The following LUZP2 variants were observed in gnomAD, a reference collection of about 807,000 sequenced individuals.
LUZP2 encodes the protein leucine zipper protein 2.
Under a neutral mutation model 51.6 loss-of-function variants are expected in LUZP2, and 52 were observed. The ratio of observed to expected loss-of-function variants is 1.01; its 90% confidence interval spans 0.81 to 1.27. The LOEUF (loss-of-function observed/expected upper bound fraction) is 1.27, where lower values mean the gene tolerates loss of function less well. Among genes scored for constraint, LUZP2 ranks in the 50% most tolerant of loss-of-function variants. The pLI, the probability that LUZP2 is intolerant of heterozygous loss-of-function variation, is 0.00. For missense variants in LUZP2, 436 were observed against 395.4 expected (o/e 1.10, Z -0.87); for synonymous variants, 154 against 137.3 (o/e 1.12, Z -0.85).
chr11:24,530,762 C>CTTTTTTTTTTTTTTTTTTTT (rs367857815), intron 1 of LUZP2, among the ~76,000 whole-genome samples: 2 of 75,372 alleles, frequency 2.7e-5, no homozygotes, highest in East Asian at 5.5e-4. Flanking sequence ...CTTCTTCTTA[C>CTTTTTTTTTTTTTTTTTTTT]TTTTTTTTTT....
At position 24,729,214 on chromosome 11, in the gene LUZP2, G is replaced by A; in HGVS notation, c.108G>A (p.Lys36=). ...ELEKQLKEVF[K]ERSTILRQLT... ...AAAAGCAGCTGAAAGAAGTCTTTAAGGAGCGAAGCACCATTCTTCGTCAGC... is the reference window on the plus strand; with the variant it reads ...AAAAGCAGCTGAAAGAAGTCTTTAAAGAGCGAAGCACCATTCTTCGTCAGC... Residue 36 remains lysine, a synonymous_variant, in exon 2 of 12, where the codon AAG becomes AAA. Transcript: ENST00000336930. The A allele has an allele frequency of 6.3e-7, 1 of 1,578,412 alleles. No individual in the cohort carries two copies. The highest frequency in any genetic ancestry group is 8.6e-7 in the Non-Finnish European group (1 of 1,156,166).
At chr11:24,751,876 A>C (rs1859601968) in intron 4 of LUZP2, among the ~76,000 whole-genome samples, 1 of 152,250 alleles carries the variant, frequency 6.6e-6, no homozygotes, top group South Asian at 2.1e-4. Context: ...CCAAGGAGTT[A>C]ACCTATACAG....
chr11:24,622,031 C>G (rs999127923), intron 1 of LUZP2, among the ~76,000 whole-genome samples: 3 of 151,970 alleles, frequency 2.0e-5, no homozygotes, highest in African/African-American at 7.2e-5. Flanking sequence ...GCCTCTGCTT[C>G]CTGGGCTCAA....
intron 9 of LUZP2, among the ~76,000 whole-genome samples, chr11:25,007,332 G>C (rs1435585035): frequency 6.6e-6 from 1 of 152,182 alleles, no homozygotes; most frequent in Non-Finnish European, 1.5e-5. Context: ...GCCAGATTTG[G>C]TGGCTCACAC....
intron 1 of LUZP2, among the ~76,000 whole-genome samples, chr11:24,521,531 T>C (rs1371576829): frequency 6.6e-6 from 1 of 152,072 alleles, no homozygotes; most frequent in Non-Finnish European, 1.5e-5. Flanking sequence ...GAAGAAAAAC[T>C]TGGTTACAAG....
At chr11:25,026,853 T>A (rs532313609) in intron 9 of LUZP2, among the ~76,000 whole-genome samples, 27 of 148,098 alleles carry the variant, frequency 1.8e-4, no homozygotes, top group African/African-American at 6.6e-4. Flanking sequence ...CTTTTTATTT[T>A]TTTTATTTTT....
chr11:24,583,852 C>T (rs1438266951), intron 1 of LUZP2, among the ~76,000 whole-genome samples: 1 of 150,112 alleles, frequency 6.7e-6, no homozygotes, highest in South Asian at 2.1e-4. Context: ...TACAGGAGCC[C>T]GCCACCATGA....
intron 9 of LUZP2, among the ~76,000 whole-genome samples, chr11:24,990,651 G>C (rs1856308925): frequency 6.6e-6 from 1 of 152,038 alleles, no homozygotes; most frequent in South Asian, 2.1e-4. Context: ...CATAGAAGCT[G>C]AAAGACAGTA....
chr11:24,506,666 C>T lies in LUZP2; in HGVS notation c.62+9361C>T, dbSNP rs1013632475. Among the ~76,000 whole-genome samples, 11 of 152,004 alleles carry T rather than the reference C, an allele frequency of 7.2e-5. 1 individual carries two copies. The highest frequency in any genetic ancestry group is 2.2e-4 in the African/African-American group (9 of 41,404). ...TAGACCAAGATTTCTGAGGACTAAT[C>T]GTGTGTGTAGAAGTGCTAGCTACTT... On this transcript the variant is annotated intron_variant, in intron 1 of 11. Transcript: ENST00000336930.
chr11:25,044,247 GTGTGTGTGTGTATATATATATATA>G (rs1392409498), intron 9 of LUZP2, among the ~76,000 whole-genome samples: 2 of 67,574 alleles, frequency 3.0e-5, no homozygotes, highest in African/African-American at 1.4e-4. Flanking sequence ...GTGTGTGTGT[GTGTGTGTGTGTATATATATATATA>G]TATATATATA....
rs142878929 is a variant in LUZP2, at chr11:24,590,161, C to A, written c.62+92856C>A. Among the ~76,000 whole-genome samples, 3 of 152,264 alleles carry A rather than the reference C, an allele frequency of 2.0e-5. No homozygotes were observed. The East Asian group carries it at 5.8e-4, about 29-fold the overall frequency. On this transcript the variant is annotated intron_variant, in intron 1 of 11. Coordinates refer to ENST00000336930, the MANE Select transcript of LUZP2 (RefSeq NM_001009909.4). ...TCATTACAGTAGAATCATCTCCTCA[C>A]ACTTTTGAATCAACACTTAAAGGTG...
At chr11:24,513,872 T>C (rs1345829965) in intron 1 of LUZP2, among the ~76,000 whole-genome samples, 3 of 152,198 alleles carry the variant, frequency 2.0e-5, no homozygotes, top group African/African-American at 7.2e-5. Flanking sequence ...TGATGAAAAG[T>C]TGACAGGCTG....
intron 1 of LUZP2, among the ~76,000 whole-genome samples, chr11:24,688,707 T>C (rs1326361511): frequency 6.6e-6 from 1 of 151,548 alleles, no homozygotes; most frequent in Non-Finnish European, 1.5e-5. Flanking sequence ...ATATAATTAG[T>C]ACCTGGTTTC....
At chr11:24,537,032 A>T (rs1851198381) in intron 1 of LUZP2, among the ~76,000 whole-genome samples, 1 of 151,864 alleles carries the variant, frequency 6.6e-6, no homozygotes, top group Non-Finnish European at 1.5e-5. Flanking sequence ...TCAGAAACCC[A>T]CATTTGTTAG....
intron 5 of LUZP2, among the ~76,000 whole-genome samples, chr11:24,840,898 C>T (rs1459825102): frequency 1.3e-5 from 2 of 152,006 alleles, no homozygotes; most frequent in Non-Finnish European, 2.9e-5. Context: ...CAAAAAGCCT[C>T]AACATTTCTC....
chr11:24,583,610 C>G (rs16912856), intron 1 of LUZP2, among the ~76,000 whole-genome samples: 2,113 of 152,148 alleles, frequency 0.014, 39 homozygotes, highest in South Asian at 0.058. Context: ...AAAGTAGACA[C>G]TTTTCATCTT....
chr11:24,920,051 G>A (rs1310720253), intron 7 of LUZP2, among the ~76,000 whole-genome samples: 1 of 151,674 alleles, frequency 6.6e-6, no homozygotes, highest in African/African-American at 2.4e-5. Context: ...ATTATTGGAT[G>A]GTTTAAAGAT....
chr11:25,005,670 G>T lies in LUZP2; in HGVS notation c.765+22377G>T, dbSNP rs563330168. On this transcript the variant is annotated intron_variant, in intron 9 of 11. Transcript: ENST00000336930. The stretch of plus-strand genomic sequence containing the variant: ...CCCGCAATGGTCCCTGGACCCTGCT[G>T]ATTGGAATAGTTGTGCTCACCGACG... Among the ~76,000 whole-genome samples the T allele has an allele frequency of 6.4e-4, 98 of 152,242 alleles. 1 individual carries two copies. Among genetic ancestry groups the T allele is most frequent in the African/African-American group, 2.2e-3 (91 of 41,540 alleles).
At chr11:24,908,978 G>A (rs554823036) in intron 6 of LUZP2, among the ~76,000 whole-genome samples, 3 of 151,682 alleles carry the variant, frequency 2.0e-5, no homozygotes, top group African/African-American at 7.2e-5. Context: ...AGCCAGGATG[G>A]TCTTGATCTC....
Sources: gnomAD v4.1 joint callset for allele counts (sites outside exome capture counted in the v4.1 genomes callset) on GRCh38, gnomAD v4.1.1 for gene constraint, MANE v1.5 for transcripts, NCBI Gene and HGNC (gene_info 2026-07-23, HGNC 2026-07-21) for gene names.